The following SLC5A1 variants were observed in gnomAD, a reference collection of about 807,000 sequenced individuals.
SLC5A1 encodes the protein solute carrier family 5 member 1.
Under a neutral mutation model 73.5 loss-of-function variants are expected in SLC5A1, and 42 were observed. The observed-to-expected ratio is 0.57, with a 90% CI of 0.45 to 0.74. The LOEUF (loss-of-function observed/expected upper bound fraction) is 0.74. SLC5A1 is among the 30% of genes least tolerant of loss of function. SLC5A1 has a pLI of 0.00. For missense variants in SLC5A1, 634 were observed against 855.4 expected, an observed-to-expected ratio of 0.74 and a Z score of 3.23; for synonymous variants, 300 against 317.4, an observed-to-expected ratio of 0.95 and a Z score of 0.58.
chr22:32,081,812 C>T (rs1312513490), intron 5 of SLC5A1, 54 bp from the exon 6 acceptor site: 1 of 1,087,596 alleles, frequency 9.2e-7, no homozygotes, highest in East Asian at 2.4e-5. Context: ...GACTACAGGC[C>T]CTGTAGGCAG....
intron 10 of SLC5A1, among the ~76,000 whole-genome samples, chr22:32,090,935 A>C (rs528866648): frequency 6.6e-6 from 1 of 152,026 alleles, no homozygotes; most frequent in Admixed American, 6.6e-5. Flanking sequence ...TATCATAGCT[A>C]TCCTAGTGGG....
chr22:32,068,105 C>T (rs1778836230), intron 4 of SLC5A1, 79 bp downstream of exon 4: 1 of 1,373,434 alleles, frequency 7.3e-7, no homozygotes. Flanking sequence ...GCAGAGGAGA[C>T]ATTATGGGAT....
intron 5 of SLC5A1, among the ~76,000 whole-genome samples, chr22:32,079,302 C>T (rs548410559): frequency 6.6e-6 from 1 of 152,298 alleles, no homozygotes; most frequent in African/African-American, 2.4e-5. Context: ...AGGCAGAATT[C>T]ATCTCTGAAG....
chr22:32,109,992 A>G lies in SLC5A1; in HGVS notation c.1774A>G (p.Thr592Ala). The change falls in exon 15 of 15, where the codon ACA becomes GCA. Residue 592 changes from threonine (T) to alanine (A), a missense_variant and splice_region_variant. Thr to Ala is a moderately conservative substitution (Grantham distance 58). Coordinates refer to ENST00000266088, the MANE Select transcript of SLC5A1 (RefSeq NM_000343.4). ...AATTCTTCTATGCCTTTGCCCAGAA[A>G]CACAAGTTCCTGAGAAGAAAAAAGG... ...EGPKETIEIE[T>A]QVPEKKKGIF... 1 of 1,613,934 alleles carries G rather than the reference A, an allele frequency of 6.2e-7. No individual in the cohort carries two copies. Among genetic ancestry groups the G allele is most frequent in the Non-Finnish European group, 8.5e-7 (1 of 1,179,854 alleles).
chr22:32,087,563 G>A (rs190279995), intron 10 of SLC5A1, among the ~76,000 whole-genome samples: 148 of 152,190 alleles, frequency 9.7e-4, no homozygotes, highest in African/African-American at 3.4e-3. Context: ...CATTCAAGGC[G>A]GCTTGTCACC....
At chr22:32,067,180 C>A in intron 3 of SLC5A1, 141 bp downstream of exon 3, 2 of 671,204 alleles carry the variant, frequency 3.0e-6, no homozygotes, top group Non-Finnish European at 5.4e-6. Context: ...AGGGGCATGA[C>A]TTCAGGAGCC....
chr22:32,097,216 C>T (rs569367475), intron 11 of SLC5A1, among the ~76,000 whole-genome samples: 1 of 152,318 alleles, frequency 6.6e-6, no homozygotes, highest in Non-Finnish European at 1.5e-5. Context: ...ATTCCAAACT[C>T]TGCTGTGGGG....
chr22:32,050,067 T>C (rs539224379), intron 2 of SLC5A1, 53 bp downstream of exon 2: 6 of 1,449,624 alleles, frequency 4.1e-6, no homozygotes, highest in Non-Finnish European at 5.8e-6. Context: ...ATACTCCCTT[T>C]AGGAACTCAT....
intron 11 of SLC5A1, 51 bp from the exon 12 acceptor site, chr22:32,099,132 A>ATATATC (rs2094032027): frequency 1.5e-6 from 1 of 676,544 alleles, no homozygotes; most frequent in African/African-American, 1.9e-5. Context: ...ATATATATAT[A>ATATATC]CTCATGTAGA....
Position 32,110,053 on chromosome 22 carries a change from T to C in SLC5A1, c.1835T>C (p.Leu612Pro). Reference protein sequence around the residue: ...FRRAYDLFCGLEQHGAPKMTE... With the variant: ...FRRAYDLFCGPEQHGAPKMTE... The stretch of plus-strand genomic sequence containing the variant: ...AGAGCCTATGACCTATTTTGTGGGC[T>C]AGAGCAGCACGGTGCACCCAAGATG... The change falls in exon 15 of 15, where the codon CTA becomes CCA. Residue 612 changes from leucine (L) to proline (P), a missense_variant. Leu to Pro is a moderately conservative substitution (Grantham distance 98, BLOSUM62 -3). Transcript: ENST00000266088. The C allele has an allele frequency of 1.2e-6, 2 of 1,614,108 alleles. No individual in the cohort carries two copies. Among genetic ancestry groups the C allele is most frequent in the Non-Finnish European group, 1.7e-6 (2 of 1,179,968 alleles).
At chr22:32,079,391 T>G (rs1023704236) in intron 5 of SLC5A1, among the ~76,000 whole-genome samples, 4 of 152,230 alleles carry the variant, frequency 2.6e-5, no homozygotes, top group African/African-American at 9.6e-5. Context: ...ATCCTTTATC[T>G]GTACTGTTAG....
At chr22:32,085,727 A>C (rs2094007153) in intron 9 of SLC5A1, among the ~76,000 whole-genome samples, 1 of 151,918 alleles carries the variant, frequency 6.6e-6, no homozygotes, top group African/African-American at 2.4e-5. Context: ...GTCAGAGCTC[A>C]TCAGTGTGTC....
intron 11 of SLC5A1, 84 bp downstream of exon 11, chr22:32,091,846 G>A (rs761659866): frequency 5.0e-6 from 7 of 1,391,412 alleles, no homozygotes; most frequent in Non-Finnish European, 6.1e-6. Context: ...AGGGAAGGTT[G>A]GCAGATGCCT....
At position 32,080,607 on chromosome 22, in the gene SLC5A1, C is replaced by T. The variant is rs186632655; in HGVS notation, c.478-1259C>T. 4.5e-4 allele frequency among the ~76,000 whole-genome samples: 68 copies of T among 152,254 alleles called. 1 individual carries two copies. The South Asian group carries it at 0.013, about 30-fold the overall frequency. On this transcript the variant is annotated intron_variant, in intron 5 of 14. Transcript: ENST00000266088. ...CAAGGCTCCGTCTGGGTGCTGTTTG[C>T]GTGCCGTGAAATGTTAGGGTTTGTG...
chr22:32,096,923 C>T (rs763569059), intron 11 of SLC5A1, among the ~76,000 whole-genome samples: 2 of 152,170 alleles, frequency 1.3e-5, no homozygotes, highest in Non-Finnish European at 2.9e-5. Flanking sequence ...TGACAAGATA[C>T]CTGGCACCCA....
chr22:32,100,591 T>C (rs1430784657), intron 12 of SLC5A1, among the ~76,000 whole-genome samples: 1 of 151,934 alleles, frequency 6.6e-6, no homozygotes, highest in Non-Finnish European at 1.5e-5. Flanking sequence ...AATTTATTGA[T>C]TTTTTTTGAG....
chr22:32,063,019 T>C (rs1189217885), intron 2 of SLC5A1, among the ~76,000 whole-genome samples: 1 of 152,194 alleles, frequency 6.6e-6, no homozygotes, highest in Non-Finnish European at 1.5e-5. Context: ...CTTTTTGCTG[T>C]GTCCTCATAT....
intron 2 of SLC5A1, among the ~76,000 whole-genome samples, chr22:32,065,893 C>T (rs1440266650): frequency 1.3e-5 from 2 of 152,168 alleles, no homozygotes; most frequent in Non-Finnish European, 2.9e-5. Context: ...CAGGTTTGGA[C>T]CATCTTTGGG....
intron 11 of SLC5A1, among the ~76,000 whole-genome samples, chr22:32,096,399 G>T (rs1020821502): frequency 1.3e-5 from 2 of 152,076 alleles, no homozygotes; most frequent in African/African-American, 4.8e-5. Flanking sequence ...CTTGTCCAAG[G>T]CTCCTTATAC....
Sources: gnomAD v4.1 joint callset for allele counts (sites outside exome capture counted in the v4.1 genomes callset) on GRCh38, gnomAD v4.1.1 for gene constraint, MANE v1.5 for transcripts, NCBI Gene and HGNC (gene_info 2026-07-23, HGNC 2026-07-21) for gene names.